The following IQSEC1 variants were observed in gnomAD, a reference collection of about 807,000 sequenced individuals.
IQSEC1 encodes IQ motif and SEC7 domain-containing protein 1.
A neutral mutation model predicts 91.0 loss-of-function variants in IQSEC1; 31 were observed. That is an observed-to-expected ratio of 0.34 (90% CI 0.26 to 0.46). IQSEC1 has a LOEUF of 0.46. Ranked by LOEUF, IQSEC1 falls within the 20% of genes least tolerant of loss-of-function variation. The pLI, the probability that IQSEC1 is intolerant of heterozygous loss-of-function variation, is 1.00. For synonymous variants in IQSEC1, 699 were observed against 662.6 expected (o/e 1.05, Z -0.84); for missense variants, 1,388 against 1,575.6 (o/e 0.88, Z 2.02).
At chr3:12,904,827 G>A (rs1694797713) in intron 12 of IQSEC1, among the ~76,000 whole-genome samples, 1 of 152,208 alleles carries the variant, frequency 6.6e-6, no homozygotes, top group South Asian at 2.1e-4. Context: ...GACAGGACCT[G>A]GGCCAGCCCT....
At position 12,900,769 on chromosome 3, in the gene IQSEC1, A is replaced by G; in HGVS notation, c.*214T>C. On this transcript the variant is annotated 3_prime_UTR_variant, in exon 14 of 14. Transcript: ENST00000613206. ...ACCCATCCCTCAGACTGAGGTGAGC[A>G]GAGCCCAGGGTGCCAACAAGAAATG... 7.0e-7 allele frequency: 1 copy of G among 1,437,548 alleles called. No individual in the cohort carries two copies. Among genetic ancestry groups the G allele is most frequent in the Non-Finnish European group, 9.1e-7 (1 of 1,100,368 alleles). The allele number at this position is 1,437,548 out of a possible 1,614,324, so 89.0% of individuals were successfully genotyped here. A position where few individuals can be genotyped will look rare whatever the true frequency, so the allele number is the denominator to read the frequency against.
chr3:12,950,433 C>T (rs1476768225), intron 1 of IQSEC1, among the ~76,000 whole-genome samples: 2 of 152,064 alleles, frequency 1.3e-5, no homozygotes, highest in Non-Finnish European at 2.9e-5. Flanking sequence ...TTTGGGAGGC[C>T]GAGGTGGGAC....
Position 13,073,257 on chromosome 3 carries a change from G to A in IQSEC1, c.-243C>T, listed in dbSNP as rs749714972. On this transcript the variant is annotated 5_prime_UTR_variant, in exon 1 of 14. Coordinates refer to ENST00000613206, the MANE Select transcript of IQSEC1 (RefSeq NM_001134382.3). The stretch of plus-strand genomic sequence containing the variant: ...GCGCGCGCTCACACCGTGCCCAGGA[G>A]CGAGCGAGGACGTCGAGTAACCGTG... 3.5e-4 allele frequency: 202 copies of A among 569,832 alleles called. 1 individual carries two copies. In the Middle Eastern group the frequency reaches 5.5e-3, roughly 16 times the overall value. 35.3% of individuals were successfully genotyped at this position (569,832 alleles called of 1,614,324 possible). A position where few individuals can be genotyped will look rare whatever the true frequency, so the allele number is the denominator to read the frequency against.
intron 1 of IQSEC1, among the ~76,000 whole-genome samples, chr3:13,224,903 T>C (rs76410166): frequency 0.018 from 2,776 of 152,350 alleles, 35 homozygotes; most frequent in Middle Eastern, 0.031. Context: ...GCATACCGGA[T>C]GCCCCACGGG....
At chr3:13,281,326 T>G (rs1040508411) in intron 1 of IQSEC1, among the ~76,000 whole-genome samples, 7 of 151,612 alleles carry the variant, frequency 4.6e-5, no homozygotes, top group Admixed American at 3.9e-4. Flanking sequence ...GGGCCAGGAG[T>G]GGGGCCCAGA....
chr3:12,900,451 G>GTATATA lies in IQSEC1; in HGVS notation c.*526_*531dup, dbSNP rs72408840. ...TTCACACACAAGTACTACCTATACAGTATATATATATATATATTTATATAT... is the reference window on the plus strand; with the variant it reads ...TTCACACACAAGTACTACCTATACAGTATATATATATATATATATATATTTATATAT... On this transcript the variant is annotated 3_prime_UTR_variant, in exon 14 of 14. Transcript: ENST00000613206. 3 of 701,382 alleles carry GTATATA rather than the reference G, an allele frequency of 4.3e-6. No homozygotes were observed. The highest frequency in any genetic ancestry group is 5.2e-6 in the Non-Finnish European group (3 of 574,562). 43.4% of individuals were successfully genotyped at this position (701,382 alleles called of 1,614,324 possible). A position where few individuals can be genotyped will look rare whatever the true frequency, so the allele number is the denominator to read the frequency against.
intron 1 of IQSEC1, chr3:13,015,799 G>GA (rs1703100719): frequency 2.3e-6 from 2 of 885,530 alleles, no homozygotes; most frequent in African/African-American, 3.6e-5. Context: ...AGGCACTGCT[G>GA]AGGGGGCTCC....
intron 2 of IQSEC1, among the ~76,000 whole-genome samples, chr3:13,133,616 C>T (rs945617282): frequency 3.9e-5 from 6 of 152,282 alleles, no homozygotes; most frequent in Admixed American, 6.5e-5. Context: ...TGTAATTGGC[C>T]GCCTTTGAAG....
chr3:13,262,526 C>G (rs937450253), intron 1 of IQSEC1, among the ~76,000 whole-genome samples: 1 of 152,150 alleles, frequency 6.6e-6, no homozygotes, highest in African/African-American at 2.4e-5. Context: ...AAGGACCTGC[C>G]ACATCACCCC....
intron 1 of IQSEC1, among the ~76,000 whole-genome samples, chr3:13,268,402 A>G (rs935481297): frequency 1.3e-5 from 2 of 152,224 alleles, no homozygotes; most frequent in Non-Finnish European, 2.9e-5. Context: ...ACTTCAGCCC[A>G]TCTCATAGAA....
At position 13,188,992 on chromosome 3, in the gene IQSEC1, T is replaced by C. The variant is rs77332716; in HGVS notation, c.273-24859A>G. On this transcript the variant is annotated intron_variant, in intron 1 of 15. Coordinates refer to the IQSEC1 transcript ENST00000648114. Reference sequence around the variant, plus strand: ...GGGACCCACACCTGGCAGCACCCCCTCAGGAGGAGTTTAGACTTTGAATCT... The same window carrying C: ...GGGACCCACACCTGGCAGCACCCCCCCAGGAGGAGTTTAGACTTTGAATCT... Among the ~76,000 whole-genome samples the C allele has an allele frequency of 9.7e-3, 1,478 of 152,320 alleles. 6 individuals are homozygous for C. Among genetic ancestry groups the C allele is most frequent in the Middle Eastern group, 0.051 (15 of 294 alleles).
At chr3:13,006,588 AAC>A (rs1259537496) in intron 1 of IQSEC1, among the ~76,000 whole-genome samples, 2 of 152,248 alleles carry the variant, frequency 1.3e-5, no homozygotes, top group Non-Finnish European at 2.9e-5. Context: ...AGATCTTCCA[AAC>A]ACACAATCAC....
intron 1 of IQSEC1, among the ~76,000 whole-genome samples, chr3:12,957,286 C>T (rs114561613): frequency 0.019 from 2,851 of 152,312 alleles, 98 homozygotes; most frequent in African/African-American, 0.064. Context: ...TTACTTTCTT[C>T]ATTAACCATT....
intron 3 of IQSEC1, among the ~76,000 whole-genome samples, chr3:12,933,752 C>G (rs780345308): frequency 2.0e-5 from 3 of 152,168 alleles, no homozygotes; most frequent in Non-Finnish European, 4.4e-5. Context: ...CACAAATGCA[C>G]AGGAAAAAAA....
At chr3:13,016,379 C>G (rs559743869) in intron 1 of IQSEC1, among the ~76,000 whole-genome samples, 1 of 152,248 alleles carries the variant, frequency 6.6e-6, no homozygotes, top group Non-Finnish European at 1.5e-5. Context: ...TCTCAACCGG[C>G]CTTCCCTGCC....
At chr3:13,009,549 G>A (rs1576158535) in intron 1 of IQSEC1, among the ~76,000 whole-genome samples, 1 of 151,786 alleles carries the variant, frequency 6.6e-6, no homozygotes, top group Middle Eastern at 3.4e-3. Flanking sequence ...CCAGATGCCC[G>A]CAGCCCAAGT....
At chr3:12,995,787 A>C (rs945276380) in intron 1 of IQSEC1, among the ~76,000 whole-genome samples, 3 of 152,264 alleles carry the variant, frequency 2.0e-5, no homozygotes, top group African/African-American at 7.2e-5. Flanking sequence ...CTCACAGCCA[A>C]CTGTACAGTG....
chr3:12,960,127 G>A (rs746496231), intron 1 of IQSEC1: 1 of 152,140 alleles, frequency 6.6e-6, no homozygotes, highest in Non-Finnish European at 1.5e-5. Flanking sequence ...CGGCTGGAGA[G>A]AATAGCAGTG....
rs1418918870 is a variant in IQSEC1 at position 12,935,756 on chromosome 3, C to A, written c.1260G>T (p.Glu420Asp). 4.4e-6 allele frequency: 7 copies of A among 1,609,190 alleles called. No homozygotes were observed. Among genetic ancestry groups the A allele is most frequent in the Non-Finnish European group, 5.9e-6 (7 of 1,179,698 alleles). ...SGAPKSLPRE[E>D]PELRPRPPRP... ...TGGGGGGCCGGGGCCGCAACTCAGG[C>A]TCCTCCCGGGGGAGGCTCTTGGGGG... Residue 420 changes from glutamate (E) to aspartate (D), a missense_variant, in exon 3 of 14, where the codon GAG becomes GAT. Glu to Asp is a conservative substitution (Grantham distance 45). Around this residue, in one of 2 missense-constraint regions of IQSEC1, gnomAD observed 1,059 missense variants for 1,317.8 expected, o/e 0.80. Transcript: ENST00000613206. This position sits in a 1 kb window ranked among gnomAD's most constrained non-coding sequence, Gnocchi z 8.0.
Sources: gnomAD v4.1 joint callset for allele counts (sites outside exome capture counted in the v4.1 genomes callset) on GRCh38, gnomAD v4.1.1 for gene constraint, gnomAD v4.1.1 regional missense constraint, Gnocchi (gnomAD v3.1) non-coding constraint, MANE v1.5 for transcripts, NCBI Gene and HGNC (gene_info 2026-07-23, HGNC 2026-07-21) for gene names.